The following COL26A1 variants were observed in gnomAD, a reference collection of about 807,000 sequenced individuals.
COL26A1 encodes the protein collagen alpha-1(XXVI) chain.
COL26A1 carries 41 observed loss-of-function variants against 59.3 expected under a neutral mutation model. That is an observed-to-expected ratio of 0.69 (90% CI 0.54 to 0.90). The LOEUF is 0.90. Among genes scored for constraint, COL26A1 ranks in the 40% least tolerant of loss-of-function variants. The pLI is 0.00. For missense variants in COL26A1, 612 were observed against 602.3 expected (o/e 1.02, Z -0.17); for synonymous variants, 266 against 256.0 (o/e 1.04, Z -0.37).
intron 3 of COL26A1, among the ~76,000 whole-genome samples, chr7:101,470,171 C>G (rs1172328469): frequency 6.7e-6 from 1 of 150,212 alleles, no homozygotes; most frequent in Middle Eastern, 3.5e-3. Flanking sequence ...GTGGTTCGAT[C>G]TCACTGCAAC....
At chr7:101,457,478 C>T (rs950363431) in intron 3 of COL26A1, among the ~76,000 whole-genome samples, 1 of 152,050 alleles carries the variant, frequency 6.6e-6, no homozygotes, top group East Asian at 1.9e-4. Context: ...GGAAGGAATC[C>T]GTTTTAGGGA....
intron 1 of COL26A1, among the ~76,000 whole-genome samples, chr7:101,409,861 T>C (rs1043525971): frequency 3.3e-5 from 5 of 152,174 alleles, no homozygotes; most frequent in African/African-American, 4.8e-5. Flanking sequence ...CCCGGGTTCA[T>C]GCCATTCTCC....
chr7:101,476,636 C>T (rs1174977744), intron 3 of COL26A1, among the ~76,000 whole-genome samples: 2 of 150,210 alleles, frequency 1.3e-5, no homozygotes, highest in African/African-American at 4.9e-5. Context: ...CAAGCTCTGC[C>T]TCCAGAGTTC....
At chr7:101,537,395 C>G (rs1260853049) in intron 4 of COL26A1, among the ~76,000 whole-genome samples, 1 of 152,226 alleles carries the variant, frequency 6.6e-6, no homozygotes, top group Non-Finnish European at 1.5e-5. Flanking sequence ...AGTGTCCCGG[C>G]TAGTCTGCCA....
At chr7:101,385,250 T>TATACAC (rs1554403690) in intron 1 of COL26A1, among the ~76,000 whole-genome samples, 6,516 of 147,108 alleles carry the variant, frequency 0.044, 171 homozygotes, top group East Asian at 0.072. Flanking sequence ...TATATATATA[T>TATACAC]ACACACACAC....
At chr7:101,551,017 A>G in intron 9 of COL26A1, 91 bp from the exon 10 acceptor site, 4 of 1,383,500 alleles carry the variant, frequency 2.9e-6, no homozygotes, top group Non-Finnish European at 4.0e-6. Context: ...GCAGACTCAG[A>G]GCACAGTGGG....
At chr7:101,386,804 G>T (rs1416806713) in intron 1 of COL26A1, among the ~76,000 whole-genome samples, 1 of 152,190 alleles carries the variant, frequency 6.6e-6, no homozygotes, top group African/African-American at 2.4e-5. Context: ...CAATGTGAGG[G>T]TCCAGGCTGT....
intron 3 of COL26A1, among the ~76,000 whole-genome samples, chr7:101,480,768 G>C (rs971937647): frequency 3.3e-5 from 5 of 152,208 alleles, no homozygotes; most frequent in Non-Finnish European, 7.3e-5. Context: ...CTCCCAAAGT[G>C]CTGGGATTAC....
At chr7:101,453,032 T>C (rs1354171422) in intron 3 of COL26A1, among the ~76,000 whole-genome samples, 1 of 152,140 alleles carries the variant, frequency 6.6e-6, no homozygotes, top group Non-Finnish European at 1.5e-5. Flanking sequence ...ATTACAGGCG[T>C]GAGCCACTGT....
At chr7:101,412,173 A>C (rs1433190338) in intron 1 of COL26A1, among the ~76,000 whole-genome samples, 1 of 151,966 alleles carries the variant, frequency 6.6e-6, no homozygotes, top group African/African-American at 2.4e-5. Flanking sequence ...AGCTAAACAA[A>C]ACAGATCGGG....
chr7:101,428,638 G>A (rs1369430483), intron 2 of COL26A1, among the ~76,000 whole-genome samples: 1 of 152,022 alleles, frequency 6.6e-6, no homozygotes, highest in African/African-American at 2.4e-5. Flanking sequence ...CTTTGTGCAA[G>A]GTTGTGGTTT....
At chr7:101,378,144 C>G (rs1359298531) in intron 1 of COL26A1, among the ~76,000 whole-genome samples, 1 of 151,998 alleles carries the variant, frequency 6.6e-6, no homozygotes, top group Non-Finnish European at 1.5e-5. Flanking sequence ...CTTTGGGAGA[C>G]TGGGGCAGGT....
chr7:101,531,697 C>T (rs1795371980), intron 3 of COL26A1, among the ~76,000 whole-genome samples: 1 of 152,138 alleles, frequency 6.6e-6, no homozygotes, highest in Non-Finnish European at 1.5e-5. Context: ...CCACCTATTC[C>T]CAGGGTCCTG....
chr7:101,489,074 G>A (rs144775260), intron 3 of COL26A1, among the ~76,000 whole-genome samples: 331 of 152,216 alleles, frequency 2.2e-3, no homozygotes, highest in Middle Eastern at 6.8e-3. Context: ...CCTTTGAACC[G>A]CCCATGGCAT....
intron 9 of COL26A1, among the ~76,000 whole-genome samples, chr7:101,550,855 G>A (rs980690818): frequency 2.4e-4 from 37 of 152,176 alleles, no homozygotes; most frequent in Admixed American, 2.0e-3. Flanking sequence ...CCTGACAGCC[G>A]TACGTGGCAT....
chr7:101,507,697 C>T (rs1000607040), intron 3 of COL26A1, among the ~76,000 whole-genome samples: 1 of 152,060 alleles, frequency 6.6e-6, no homozygotes, highest in Non-Finnish European at 1.5e-5. Flanking sequence ...GGATTACTGG[C>T]GTGAGCCACC....
At chr7:101,464,555 G>A (rs1793709829) in intron 3 of COL26A1, among the ~76,000 whole-genome samples, 1 of 151,532 alleles carries the variant, frequency 6.6e-6, no homozygotes, top group East Asian at 1.9e-4. Flanking sequence ...GGGATTACAG[G>A]CTCCTGCCAC....
intron 3 of COL26A1, among the ~76,000 whole-genome samples, chr7:101,454,073 A>T (rs190875400): frequency 4.6e-5 from 7 of 152,174 alleles, no homozygotes; most frequent in African/African-American, 1.7e-4. Context: ...GATAAAATTG[A>T]TGGGTAACCC....
intron 3 of COL26A1, among the ~76,000 whole-genome samples, chr7:101,495,505 T>G (rs1794566008): frequency 6.6e-6 from 1 of 151,848 alleles, no homozygotes; most frequent in Non-Finnish European, 1.5e-5. Context: ...GCCTCCCAGG[T>G]TCACGCCATT....
Sources: gnomAD v4.1 joint callset for allele counts (sites outside exome capture counted in the v4.1 genomes callset) on GRCh38, gnomAD v4.1.1 for gene constraint, MANE v1.5 for transcripts, NCBI Gene and HGNC (gene_info 2026-07-23, HGNC 2026-07-21) for gene names.